Variants in SMG1 observed in about 807,000 individuals in gnomAD.
The protein encoded by SMG1 is serine/threonine-protein kinase SMG1.
In SMG1, 22 loss-of-function variants were observed where a neutral mutation model predicts 419.9. The observed-to-expected ratio is 0.05, with a 90% CI of 0.04 to 0.07. The LOEUF (loss-of-function observed/expected upper bound fraction) is 0.07. Ranked by LOEUF, SMG1 falls within the 10% of genes least tolerant of loss-of-function variation. The pLI, the probability that SMG1 is intolerant of heterozygous loss-of-function variation, is 1.00. For synonymous variants in SMG1, 1,538 were observed against 1,553.5 expected (o/e 0.99, Z 0.23); for missense variants, 3,185 against 4,342.0 (o/e 0.73, Z 7.49).
intron 58 of SMG1, 174 bp from the exon 59 acceptor site, chr16:18,815,825 G>T (rs748784727): frequency 1.7e-6 from 1 of 578,550 alleles, no homozygotes; most frequent in Non-Finnish European, 3.0e-6. Context: ...AAAATTCAAA[G>T]TAAAAGTAAA....
chr16:18,810,517 C>T (rs936333514), intron 62 of SMG1, among the ~76,000 whole-genome samples: 2 of 152,162 alleles, frequency 1.3e-5, no homozygotes, highest in Admixed American at 6.5e-5. Context: ...TTTTTTACCT[C>T]ACCATGGGTT....
chr16:18,891,197 T>C (rs191860288), intron 4 of SMG1, among the ~76,000 whole-genome samples: 20 of 152,242 alleles, frequency 1.3e-4, no homozygotes, highest in East Asian at 3.9e-4. Context: ...ATTTGAAAAA[T>C]TGACTGATGG....
chr16:18,902,677 G>A (rs1412260871), intron 1 of SMG1, among the ~76,000 whole-genome samples: 1 of 151,024 alleles, frequency 6.6e-6, no homozygotes. Flanking sequence ...CTGCACTCTC[G>A]CCTGGGTGAC....
intron 1 of SMG1, among the ~76,000 whole-genome samples, chr16:18,924,397 G>A (rs1156646870): frequency 1.3e-5 from 2 of 152,118 alleles, no homozygotes; most frequent in African/African-American, 4.8e-5. Flanking sequence ...TATTTGGGAA[G>A]GGCACTTTAT....
intron 51 of SMG1, among the ~76,000 whole-genome samples, chr16:18,831,293 G>T (rs2141219026): frequency 6.6e-6 from 1 of 152,208 alleles, no homozygotes; most frequent in South Asian, 2.1e-4. Context: ...AATGGAAAAA[G>T]AGCTGTAAGA....
chr16:18,907,845 CAAAAAAAAAAAAAA>C (rs71141092), intron 1 of SMG1, among the ~76,000 whole-genome samples: 1 of 54,978 alleles, frequency 1.8e-5, no homozygotes, highest in Non-Finnish European at 3.3e-5. Flanking sequence ...GAACGAGACT[CAAAAAAAAAAAAAA>C]AAAAAAAAAA....
chr16:18,835,298 A>G, intron 48 of SMG1, 134 bp from the exon 49 acceptor site: 8 of 976,838 alleles, frequency 8.2e-6, no homozygotes, highest in Non-Finnish European at 1.2e-5. Flanking sequence ...AAAATGTCTC[A>G]AGAGCTTAAG....
Position 18,817,375 on chromosome 16 carries a change from G to A in SMG1, c.9990C>T (p.Ile3330=). Residue 3330 remains isoleucine (I), a synonymous_variant, in exon 57 of 63, where the codon ATC becomes ATT. Coordinates refer to ENST00000446231, the MANE Select transcript of SMG1 (RefSeq NM_015092.5). ...LNLDAALFEL[I]KRCQQMCSFA... ...ACGAACACATCTGCTGACATCGCTT[G>A]ATTAGTTCAAATAACGCCGCATCCA... 1 of 1,611,166 alleles carries A rather than the reference G, an allele frequency of 6.2e-7. No individual in the cohort carries two copies. Among genetic ancestry groups the A allele is most frequent in the Non-Finnish European group, 8.5e-7 (1 of 1,178,536 alleles).
chr16:18,812,550 T>TTA (rs1402226541), intron 60 of SMG1, among the ~76,000 whole-genome samples: 46 of 151,010 alleles, frequency 3.0e-4, no homozygotes, highest in Non-Finnish European at 5.3e-4. Context: ...GTGAACTATT[T>TTA]TATATATATA....
rs1400342830 is a variant in SMG1 at position 18,806,287 on chromosome 16, G to A, written c.*3282C>T. ...TACTAAGCTTAGGTAATAGAGGCAA[G>A]GGTTAAGGGCAGAAGTGATGGAAGT... On this transcript the variant is annotated 3_prime_UTR_variant, in exon 63 of 63. Coordinates refer to ENST00000446231, the MANE Select transcript of SMG1 (RefSeq NM_015092.5). The A allele has an allele frequency of 1.3e-5, 2 of 152,620 alleles. No homozygotes were observed. The highest frequency in any genetic ancestry group is 4.8e-5 in the African/African-American group (2 of 41,438). 9.5% of individuals were successfully genotyped at this position (152,620 alleles called of 1,614,324 possible).
intron 6 of SMG1, among the ~76,000 whole-genome samples, chr16:18,887,588 A>G (rs1421766028): frequency 7.8e-6 from 1 of 127,392 alleles, no homozygotes; most frequent in Non-Finnish European, 1.6e-5. Context: ...TCCTGGACTC[A>G]GGCGATTCAC....
chr16:18,832,533 T>C (rs1010602927), intron 51 of SMG1, among the ~76,000 whole-genome samples: 1 of 151,762 alleles, frequency 6.6e-6, no homozygotes, highest in Non-Finnish European at 1.5e-5. Flanking sequence ...TGTACATAAC[T>C]ACAAGCACTA....
At chr16:18,816,611 T>C (rs1359934311) in intron 57 of SMG1, 82 bp from the exon 58 acceptor site, 2 of 1,161,574 alleles carry the variant, frequency 1.7e-6, no homozygotes, top group Admixed American at 2.5e-5. Flanking sequence ...TCAAAAGATA[T>C]TAGTAACTCA....
chr16:18,851,466 A>G (rs1258833561), intron 33 of SMG1, among the ~76,000 whole-genome samples: 2 of 152,288 alleles, frequency 1.3e-5, no homozygotes, highest in South Asian at 2.1e-4. Context: ...GTGCACTGGC[A>G]TATTTTAAAA....
chr16:18,925,853 G>T, intron 1 of SMG1, 97 bp downstream of exon 1: 1 of 919,970 alleles, frequency 1.1e-6, no homozygotes, highest in African/African-American at 1.8e-5. Flanking sequence ...AGGGGTGGAG[G>T]GCCTAGGCCG....
chr16:18,816,490 G>T lies in SMG1; in HGVS notation c.10114C>A (p.Leu3372Ile). The T allele has an allele frequency of 1.2e-6, 2 of 1,613,922 alleles. No homozygotes were observed. Among genetic ancestry groups the T allele is most frequent in the Non-Finnish European group, 1.7e-6 (2 of 1,179,860 alleles). The change falls in exon 58 of 63, where the codon CTT becomes ATT. Residue 3372 changes from leucine (L) to isoleucine (I), a missense_variant. Physicochemically the swap from Leu to Ile is conservative, Grantham distance 5. This residue lies in a region of SMG1 where 737 missense variants were observed against 846.6 expected (regional missense o/e 0.87). Transcript: ENST00000446231. ...GTCAACTGTTTGTGTGCTGACAAAA[G>T]CCATTCAGAGCTGCCAATAGGATGT... ...LEHPIGSSEW[L>I]LSAHKQLTQD... is the part of the protein sequence containing the mutation.
intron 60 of SMG1, among the ~76,000 whole-genome samples, chr16:18,813,241 CCA>C (rs2031649508): frequency 1.3e-5 from 2 of 152,192 alleles, no homozygotes; most frequent in African/African-American, 4.8e-5. Flanking sequence ...TGAGGAATCA[CCA>C]CACTGACTTC....
chr16:18,818,220 T>C (rs2032192346), intron 56 of SMG1, among the ~76,000 whole-genome samples: 1 of 151,920 alleles, frequency 6.6e-6, no homozygotes, highest in Non-Finnish European at 1.5e-5. Flanking sequence ...CCGTCTCTAC[T>C]AAAAATACAA....
chr16:18,840,006 T>G, intron 41 of SMG1, 60 bp from the exon 42 acceptor site: 1 of 1,357,266 alleles, frequency 7.4e-7, no homozygotes, highest in Non-Finnish European at 1.0e-6. Context: ...GGAAAAAGAG[T>G]GCCTTTTGTA....
Sources: gnomAD v4.1 joint callset for allele counts (sites outside exome capture counted in the v4.1 genomes callset) on GRCh38, gnomAD v4.1.1 for gene constraint, gnomAD v4.1.1 regional missense constraint, MANE v1.5 for transcripts, NCBI Gene and HGNC (gene_info 2026-07-23, HGNC 2026-07-21) for gene names.